The following DPP10 variants were observed in gnomAD, a reference collection of about 807,000 sequenced individuals.
DPP10 encodes the protein dipeptidyl peptidase like 10.
Under a neutral mutation model 120.9 loss-of-function variants are expected in DPP10, and 33 were observed. That is an observed-to-expected ratio of 0.27 (90% CI 0.21 to 0.37). The LOEUF (loss-of-function observed/expected upper bound fraction) is 0.37, where lower values mean the gene tolerates loss of function less well. DPP10 is among the 10% of genes least tolerant of loss of function. DPP10 has a pLI of 1.00. For missense variants in DPP10, 816 were observed against 942.8 expected, an observed-to-expected ratio of 0.87 and a Z score of 1.76; for synonymous variants, 337 against 326.1, an observed-to-expected ratio of 1.03 and a Z score of -0.36.
At chr2:114,636,865 A>G (rs1208770998) in intron 1 of DPP10, among the ~76,000 whole-genome samples, 1 of 151,816 alleles carries the variant, frequency 6.6e-6, no homozygotes, top group Non-Finnish European at 1.5e-5. Context: ...CACTTTGAAT[A>G]TTTGGATGGT....
At chr2:115,632,356 C>CTT (rs1314180507) in intron 5 of DPP10, among the ~76,000 whole-genome samples, 111 of 152,228 alleles carry the variant, frequency 7.3e-4, no homozygotes, top group African/African-American at 2.4e-3. Flanking sequence ...CTCTATCCAG[C>CTT]TTGCCATTCT....
intron 1 of DPP10, among the ~76,000 whole-genome samples, chr2:114,976,368 C>T (rs114694851): frequency 0.014 from 2,176 of 152,222 alleles, 48 homozygotes; most frequent in African/African-American, 0.05. Context: ...GCAACTTCTA[C>T]CATGGTATCT....
rs546285890 is a variant in DPP10 at position 114,870,944 on chromosome 2, G to A, written c.60+428106G>A. ...CTAAAAGGGTTGGGGTAGTGTCTCC[G>A]CATGGTCAGAGGTGTCAGTGACATC... On this transcript the variant is annotated intron_variant, in intron 1 of 25. Transcript: ENST00000410059. Among the ~76,000 whole-genome samples the A allele has an allele frequency of 1.6e-3, 211 of 133,762 alleles. 30 individuals carry two copies. The highest frequency in any genetic ancestry group is 5.3e-3 in the African/African-American group (206 of 38,746). The allele number at this position is 133,762 out of a possible 152,430, so 87.8% of individuals were successfully genotyped here.
At chr2:114,842,617 A>G (rs72832423) in intron 1 of DPP10, among the ~76,000 whole-genome samples, 2,052 of 152,228 alleles carry the variant, frequency 0.013, 24 homozygotes, top group Middle Eastern at 0.031. Flanking sequence ...TTAAGAATAT[A>G]TATTTAGGGA....
At chr2:115,419,025 C>T (rs1334238816) in intron 3 of DPP10, among the ~76,000 whole-genome samples, 1 of 151,972 alleles carries the variant, frequency 6.6e-6, no homozygotes, top group Non-Finnish European at 1.5e-5. Flanking sequence ...TTTGTTTTTA[C>T]CAAAGTCTAC....
intron 1 of DPP10, among the ~76,000 whole-genome samples, chr2:114,709,553 T>TTGCATG (rs1244548360): frequency 6.6e-6 from 1 of 152,220 alleles, no homozygotes; most frequent in Non-Finnish European, 1.5e-5. Context: ...TATTACTTAA[T>TTGCATG]TGCATGGTGT....
At chr2:114,943,329 A>C (rs1048453032) in intron 1 of DPP10, among the ~76,000 whole-genome samples, 13 of 151,990 alleles carry the variant, frequency 8.6e-5, no homozygotes, top group African/African-American at 3.1e-4. Context: ...GCTGGAGTGC[A>C]ATGGTGCTAT....
intron 7 of DPP10, among the ~76,000 whole-genome samples, chr2:115,725,861 G>C (rs1279990530): frequency 2.2e-4 from 34 of 152,124 alleles, no homozygotes. Flanking sequence ...AAAAGCAAGA[G>C]GATGTAGTAT....
chr2:115,424,771 A>G (rs1426808218), intron 3 of DPP10, among the ~76,000 whole-genome samples: 1 of 152,196 alleles, frequency 6.6e-6, no homozygotes, highest in African/African-American at 2.4e-5. Context: ...TACATCTAAT[A>G]TTTAAGACCT....
At chr2:115,380,796 T>A (rs1371509766) in intron 3 of DPP10, among the ~76,000 whole-genome samples, 1 of 152,120 alleles carries the variant, frequency 6.6e-6, no homozygotes, top group Non-Finnish European at 1.5e-5. Context: ...GTATTTTATT[T>A]CTCCTTCACT....
chr2:115,836,397 G>T lies in DPP10; in HGVS notation c.2051-110G>T. The T allele has an allele frequency of 2.8e-6, 4 of 1,446,448 alleles. No individual in the cohort carries two copies. The South Asian group carries it at 5.0e-5, about 18-fold the overall frequency. 89.6% of individuals were successfully genotyped at this position (1,446,448 alleles called of 1,614,324 possible). A position where few individuals can be genotyped will look rare whatever the true frequency, so the allele number is the denominator to read the frequency against. On this transcript the variant is annotated intron_variant, in intron 22 of 25. Coordinates refer to ENST00000410059, the MANE Select transcript of DPP10 (RefSeq NM_020868.6). ...AGCTGTTTATCTCCTCCTTGATTCA[G>T]CTGATTTTACTAAAGCATGACAATT...
chr2:115,293,276 C>G (rs2060737653), intron 1 of DPP10, among the ~76,000 whole-genome samples: 1 of 151,984 alleles, frequency 6.6e-6, no homozygotes, highest in South Asian at 2.1e-4. Context: ...AACATGAAAT[C>G]AGGAAAGAAA....
chr2:114,583,334 C>T (rs1690695670), intron 1 of DPP10, among the ~76,000 whole-genome samples: 1 of 152,134 alleles, frequency 6.6e-6, no homozygotes. Flanking sequence ...AATGTTCTTC[C>T]AAAAGCTTTT....
At chr2:115,162,335 C>T (rs1034022141) in intron 1 of DPP10, 5 of 1,448,786 alleles carry the variant, frequency 3.5e-6, no homozygotes, top group Middle Eastern at 2.4e-4. Context: ...GGAGAGGCGG[C>T]CGGGACCAAG....
At chr2:115,776,069 T>C (rs1417756282) in intron 13 of DPP10, among the ~76,000 whole-genome samples, 4 of 152,150 alleles carry the variant, frequency 2.6e-5, no homozygotes, top group Non-Finnish European at 5.9e-5. Flanking sequence ...TAATATTCCC[T>C]TTAAAATCAG....
chr2:115,543,875 T>A (rs1221451593), intron 5 of DPP10, among the ~76,000 whole-genome samples: 2 of 151,976 alleles, frequency 1.3e-5, no homozygotes, highest in Non-Finnish European at 2.9e-5. Flanking sequence ...CAAGAATCAG[T>A]AGGGGAAAGT....
intron 1 of DPP10, among the ~76,000 whole-genome samples, chr2:114,929,416 C>T (rs1300941926): frequency 1.3e-5 from 2 of 152,180 alleles, no homozygotes; most frequent in Admixed American, 6.5e-5. Context: ...TTATTTCATC[C>T]CTTGTCTTCA....
chr2:115,191,237 A>G (rs2054859284), intron 1 of DPP10, among the ~76,000 whole-genome samples: 1 of 152,234 alleles, frequency 6.6e-6, no homozygotes, highest in African/African-American at 2.4e-5. Flanking sequence ...GGGGCGGTCC[A>G]TCCTTGCTCT....
intron 1 of DPP10, among the ~76,000 whole-genome samples, chr2:114,713,753 G>C (rs1195075617): frequency 6.6e-6 from 1 of 152,166 alleles, no homozygotes; most frequent in Non-Finnish European, 1.5e-5. Context: ...CCCTTAGGGA[G>C]GCAGAGGTGG....
Sources: allele counts gnomAD v4.1 joint callset (sites outside exome capture counted in the v4.1 genomes callset), GRCh38; gene constraint gnomAD v4.1.1; transcripts MANE v1.5; gene names NCBI Gene and HGNC (gene_info 2026-07-23, HGNC 2026-07-21).